The following RNF180 variants were observed in gnomAD, a reference collection of about 807,000 sequenced individuals.
The protein encoded by RNF180 is ring finger protein 180.
In RNF180, 38 loss-of-function variants were observed where a neutral mutation model predicts 59.2. The ratio of observed to expected loss-of-function variants is 0.64; its 90% confidence interval spans 0.50 to 0.84. The LOEUF (loss-of-function observed/expected upper bound fraction) is 0.84. Among genes scored for constraint, RNF180 ranks in the 40% least tolerant of loss-of-function variants. The pLI is 0.00. For missense variants in RNF180, 705 were observed against 700.9 expected, an observed-to-expected ratio of 1.01 and a Z score of -0.07; for synonymous variants, 262 against 240.3, an observed-to-expected ratio of 1.09 and a Z score of -0.84.
At chr5:64,236,168 A>G (rs1007184368) in intron 5 of RNF180, among the ~76,000 whole-genome samples, 7 of 152,262 alleles carry the variant, frequency 4.6e-5, no homozygotes, top group Admixed American at 2.6e-4. Flanking sequence ...TTTAACCAAC[A>G]TGCTGATAGT....
chr5:64,224,675 G>T (rs1390967948), intron 5 of RNF180, among the ~76,000 whole-genome samples: 1 of 152,200 alleles, frequency 6.6e-6, no homozygotes, highest in Non-Finnish European at 1.5e-5. Flanking sequence ...GCACTGGGGG[G>T]AAATGTCAGT....
At chr5:64,361,494 T>C (rs1176484542) in intron 7 of RNF180, among the ~76,000 whole-genome samples, 1 of 151,580 alleles carries the variant, frequency 6.6e-6, no homozygotes, top group African/African-American at 2.4e-5. Context: ...GGCACAAGAA[T>C]TCAATTCTTC....
At chr5:64,307,811 G>A (rs1743554604) in intron 5 of RNF180, among the ~76,000 whole-genome samples, 1 of 151,564 alleles carries the variant, frequency 6.6e-6, no homozygotes, top group Non-Finnish European at 1.5e-5. Context: ...GGTTGCATGG[G>A]GACTTGAAGT....
chr5:64,168,298 A>C (rs570378015), intron 1 of RNF180, among the ~76,000 whole-genome samples: 19 of 152,320 alleles, frequency 1.2e-4, no homozygotes, highest in African/African-American at 3.8e-4. Flanking sequence ...TTTTACCACT[A>C]TTAAGGATAT....
intron 5 of RNF180, among the ~76,000 whole-genome samples, chr5:64,283,754 A>T (rs1742134966): frequency 6.6e-6 from 1 of 152,084 alleles, no homozygotes; most frequent in East Asian, 1.9e-4. Flanking sequence ...GGCCTCCCCA[A>T]CCATGCGGAA....
At position 64,317,597 on chromosome 5, in the gene RNF180, TACACAC is replaced by T. The variant is rs750376789; in HGVS notation, c.1228-7573_1228-7568del. Among the ~76,000 whole-genome samples, 4 of 123,878 alleles carry T rather than the reference TACACAC, an allele frequency of 3.2e-5. No homozygotes were observed. In the East Asian group the frequency reaches 7.2e-4, roughly 22 times the overall value. The allele number at this position is 123,878 out of a possible 152,430, so 81.3% of individuals were successfully genotyped here. A position where few individuals can be genotyped will look rare whatever the true frequency, so the allele number is the denominator to read the frequency against. On this transcript the variant is annotated intron_variant, in intron 5 of 7. Transcript: ENST00000389100. The stretch of plus-strand genomic sequence containing the variant: ...ATATACACATATATATACATATTTA[TACACAC>T]ACACACACACACACATATATACACA...
At chr5:64,312,609 G>A (rs903257705) in intron 5 of RNF180, among the ~76,000 whole-genome samples, 2 of 152,008 alleles carry the variant, frequency 1.3e-5, no homozygotes, top group African/African-American at 4.8e-5. Context: ...GTTGTTAATC[G>A]TTCAGCATCA....
At chr5:64,359,165 G>T (rs1236591155) in intron 7 of RNF180, among the ~76,000 whole-genome samples, 5 of 151,510 alleles carry the variant, frequency 3.3e-5, no homozygotes, top group Non-Finnish European at 5.9e-5. Context: ...TGGGATGGCT[G>T]GGTCAAATGG....
chr5:64,171,502 A>G (rs941296685), intron 1 of RNF180, among the ~76,000 whole-genome samples: 3 of 152,190 alleles, frequency 2.0e-5, no homozygotes, highest in African/African-American at 7.2e-5. Context: ...GAGTGGATGA[A>G]GTCTCATTGT....
chr5:64,324,680 G>T (rs1744543220), intron 5 of RNF180, among the ~76,000 whole-genome samples: 1 of 152,144 alleles, frequency 6.6e-6, no homozygotes, highest in South Asian at 2.1e-4. Flanking sequence ...CACCCCTTAG[G>T]CTTTGGCTCT....
intron 5 of RNF180, among the ~76,000 whole-genome samples, chr5:64,221,056 A>G (rs1488792209): frequency 6.6e-6 from 1 of 152,078 alleles, no homozygotes; most frequent in African/African-American, 2.4e-5. Flanking sequence ...ATCTGCATAT[A>G]GAGATCATTT....
chr5:64,258,058 G>A (rs1037623871), intron 5 of RNF180, among the ~76,000 whole-genome samples: 15 of 152,158 alleles, frequency 9.9e-5, no homozygotes, highest in Non-Finnish European at 2.2e-4. Flanking sequence ...GGGTCAGAAG[G>A]GATTTCTTCA....
intron 5 of RNF180, among the ~76,000 whole-genome samples, chr5:64,253,353 T>A (rs1743706700): frequency 6.6e-6 from 1 of 151,274 alleles, no homozygotes; most frequent in Non-Finnish European, 1.5e-5. Context: ...ATTTTTCACA[T>A]TGTTTATATC....
At chr5:64,313,405 G>A (rs1435694461) in intron 5 of RNF180, among the ~76,000 whole-genome samples, 1 of 151,974 alleles carries the variant, frequency 6.6e-6, no homozygotes, top group Non-Finnish European at 1.5e-5. Context: ...GAGAACATGT[G>A]GTATCTCATT....
intron 5 of RNF180, among the ~76,000 whole-genome samples, chr5:64,239,663 A>C (rs560484708): frequency 3.3e-5 from 5 of 152,256 alleles, no homozygotes; most frequent in African/African-American, 1.2e-4. Flanking sequence ...CGATTTTATG[A>C]AACATGGTGT....
chr5:64,242,960 A>G (rs1410735420), intron 5 of RNF180, among the ~76,000 whole-genome samples: 1 of 152,208 alleles, frequency 6.6e-6, no homozygotes. Flanking sequence ...AGGGTGGGGC[A>G]TCACCTCACC....
intron 2 of RNF180, among the ~76,000 whole-genome samples, chr5:64,210,091 A>G (rs1032454381): frequency 3.9e-5 from 6 of 152,120 alleles, no homozygotes; most frequent in East Asian, 3.8e-4. Flanking sequence ...ACACAAAATC[A>G]AACACTAAAA....
intron 1 of RNF180, among the ~76,000 whole-genome samples, chr5:64,194,972 A>G (rs1474224875): frequency 6.6e-6 from 1 of 152,234 alleles, no homozygotes; most frequent in Non-Finnish European, 1.5e-5. Flanking sequence ...CTGAACATGT[A>G]TATATGTATG....
intron 5 of RNF180, among the ~76,000 whole-genome samples, chr5:64,256,428 A>G (rs1743967981): frequency 1.3e-5 from 2 of 152,194 alleles, no homozygotes; most frequent in South Asian, 2.1e-4. Context: ...ATGGCTAGCC[A>G]GTTTCCCCAG....
Sources: allele counts gnomAD v4.1 joint callset (sites outside exome capture counted in the v4.1 genomes callset), GRCh38; gene constraint gnomAD v4.1.1; transcripts MANE v1.5; gene names NCBI Gene and HGNC (gene_info 2026-07-23, HGNC 2026-07-21).